Variants in GRM7 observed in about 807,000 individuals in gnomAD.
GRM7 encodes the protein glutamate metabotropic receptor 7.
Under a neutral mutation model 84.5 loss-of-function variants are expected in GRM7, and 35 were observed. The observed-to-expected ratio is 0.41, with a 90% confidence interval of 0.32 to 0.55. The LOEUF (loss-of-function observed/expected upper bound fraction) is 0.55. Among genes scored for constraint, GRM7 ranks in the 20% least tolerant of loss-of-function variants. The pLI is 0.19. For missense variants in GRM7, 1,003 were observed against 1,194.6 expected (o/e 0.84, Z 2.36); for synonymous variants, 487 against 455.1 (o/e 1.07, Z -0.89).
intron 1 of GRM7, among the ~76,000 whole-genome samples, chr3:7,017,675 C>T (rs770905354): frequency 1.3e-5 from 2 of 152,156 alleles, no homozygotes; most frequent in Non-Finnish European, 2.9e-5. Flanking sequence ...GACACCTGGG[C>T]CTAACCCCCT....
intron 4 of GRM7, among the ~76,000 whole-genome samples, chr3:7,363,869 TCA>T (rs1693769512): frequency 6.6e-6 from 1 of 152,076 alleles, no homozygotes; most frequent in South Asian, 2.1e-4. Flanking sequence ...CATTGCATGA[TCA>T]GTTTCCATCT....
intron 7 of GRM7, among the ~76,000 whole-genome samples, chr3:7,495,017 T>C (rs1030445846): frequency 2.0e-5 from 3 of 152,184 alleles, no homozygotes; most frequent in African/African-American, 4.8e-5. Flanking sequence ...TTCACTTGCA[T>C]CCTTGAAATT....
chr3:7,679,276 G>T lies in GRM7; in HGVS notation c.2452-773G>T, dbSNP rs1191469829. Among the ~76,000 whole-genome samples, 10 of 152,276 alleles carry T rather than the reference G, an allele frequency of 6.6e-5. 1 individual carries two copies. Among genetic ancestry groups the T allele is most frequent in the South Asian group, 2.1e-4 (1 of 4,824 alleles). On this transcript the variant is annotated intron_variant, in intron 8 of 9. Coordinates refer to ENST00000357716, the MANE Select transcript of GRM7 (RefSeq NM_000844.4). ...TCATGATCTAAAGGACAGCCCAAAT[G>T]GACGGAACCCTGGGAAGGCAAGACA...
intron 8 of GRM7, among the ~76,000 whole-genome samples, chr3:7,626,684 G>C (rs1214409975): frequency 1.3e-5 from 2 of 152,110 alleles, no homozygotes; most frequent in Non-Finnish European, 2.9e-5. Context: ...CTTTGTGTAA[G>C]GATACTAGCC....
intron 1 of GRM7, among the ~76,000 whole-genome samples, chr3:7,069,200 G>T (rs1387637398): frequency 6.6e-6 from 1 of 151,920 alleles, no homozygotes. Context: ...GAGGGGTAAT[G>T]AAACACTCTG....
chr3:7,732,668 A>T (rs1215753974), intron 9 of GRM7, among the ~76,000 whole-genome samples: 1 of 152,204 alleles, frequency 6.6e-6, no homozygotes, highest in Non-Finnish European at 1.5e-5. Context: ...GAGAACGTTC[A>T]TTAGAAAGCT....
chr3:7,694,769 A>C (rs1341314065), intron 9 of GRM7, among the ~76,000 whole-genome samples: 1 of 152,218 alleles, frequency 6.6e-6, no homozygotes, highest in Non-Finnish European at 1.5e-5. Context: ...ATTTAAGGAA[A>C]CACCAATGAC....
intron 8 of GRM7, among the ~76,000 whole-genome samples, chr3:7,624,452 A>G (rs1382129952): frequency 2.6e-5 from 4 of 150,962 alleles, no homozygotes; most frequent in African/African-American, 9.7e-5. Flanking sequence ...GTAATTATAC[A>G]TACATATAAA....
intron 2 of GRM7, among the ~76,000 whole-genome samples, chr3:7,199,284 G>A (rs1314368455): frequency 1.3e-5 from 2 of 152,226 alleles, no homozygotes; most frequent in Non-Finnish European, 1.5e-5. Context: ...TGACATGGAT[G>A]AAGAGAGATC....
chr3:7,482,864 C>T lies in GRM7; in HGVS notation c.1515+21142C>T, dbSNP rs1263264872. Among the ~76,000 whole-genome samples the T allele has an allele frequency of 4.6e-5, 7 of 152,124 alleles. 1 individual carries two copies. The South Asian group carries it at 1.0e-3, about 23-fold the overall frequency. ...TTCTGAGGATTCATGTGCTGTGTTG[C>T]GTCATTTGGTGAATTTTAAAATAAG... is the stretch of plus-strand genomic sequence containing the variant. On this transcript the variant is annotated intron_variant, in intron 7 of 9. Transcript: ENST00000357716.
intron 8 of GRM7, among the ~76,000 whole-genome samples, chr3:7,660,309 A>G (rs139281897): frequency 2.6e-5 from 4 of 152,336 alleles, no homozygotes; most frequent in African/African-American, 4.8e-5. Context: ...AGTACCACCC[A>G]TGAAGCTTTC....
At chr3:7,479,730 T>G (rs1699057064) in intron 7 of GRM7, among the ~76,000 whole-genome samples, 1 of 152,026 alleles carries the variant, frequency 6.6e-6, no homozygotes, top group Non-Finnish European at 1.5e-5. Context: ...AAACCAGAGG[T>G]CCCCAACTAT....
chr3:7,481,432 C>A (rs1699124010), intron 7 of GRM7, among the ~76,000 whole-genome samples: 1 of 152,124 alleles, frequency 6.6e-6, no homozygotes, highest in Non-Finnish European at 1.5e-5. Flanking sequence ...ATTCTCAAGG[C>A]AAGTTCAATG....
chr3:7,325,016 A>G (rs1575168989), intron 4 of GRM7, among the ~76,000 whole-genome samples: 1 of 152,244 alleles, frequency 6.6e-6, no homozygotes, highest in East Asian at 1.9e-4. Context: ...CCACACAGAG[A>G]TTTAAACCCA....
chr3:6,958,607 G>A (rs1260974309), intron 1 of GRM7, among the ~76,000 whole-genome samples: 2 of 152,162 alleles, frequency 1.3e-5, no homozygotes, highest in South Asian at 2.1e-4. Context: ...ATAAATGGCA[G>A]TGACGGTGGT....
chr3:7,653,118 G>A (rs1393901976), intron 8 of GRM7, among the ~76,000 whole-genome samples: 1 of 146,198 alleles, frequency 6.8e-6, no homozygotes, highest in Middle Eastern at 3.4e-3. Context: ...CTGCCCTCCA[G>A]CATCTCCTTA....
At chr3:7,328,752 A>G (rs893030604) in intron 4 of GRM7, among the ~76,000 whole-genome samples, 2 of 152,030 alleles carry the variant, frequency 1.3e-5, no homozygotes, top group African/African-American at 2.4e-5. Context: ...TCTGACATGA[A>G]TTTTCCTAGA....
chr3:7,485,176 A>AT (rs1290694293), intron 7 of GRM7, among the ~76,000 whole-genome samples: 1 of 152,150 alleles, frequency 6.6e-6, no homozygotes, highest in Non-Finnish European at 1.5e-5. Context: ...CCCAACTAAA[A>AT]TGTGTCCAGA....
intron 2 of GRM7, among the ~76,000 whole-genome samples, chr3:7,214,185 T>C (rs1198264247): frequency 3.3e-5 from 5 of 151,676 alleles, no homozygotes; most frequent in African/African-American, 1.2e-4. Context: ...CATCTTATAT[T>C]GCCGTTTTGG....
Sources: allele counts gnomAD v4.1 joint callset (sites outside exome capture counted in the v4.1 genomes callset), GRCh38; gene constraint gnomAD v4.1.1; transcripts MANE v1.5; gene names NCBI Gene and HGNC (gene_info 2026-07-23, HGNC 2026-07-21).